The following PHLDB3 variants were observed in gnomAD, a reference collection of about 807,000 sequenced individuals.
The protein encoded by PHLDB3 is pleckstrin homology-like domain family B member 3.
PHLDB3 carries 86 observed loss-of-function variants against 85.7 expected under a neutral mutation model. That is an observed-to-expected ratio of 1.00 (90% CI 0.84 to 1.20). The LOEUF (loss-of-function observed/expected upper bound fraction) is 1.20, where lower values mean the gene tolerates loss of function less well. PHLDB3 is among the 50% of genes most tolerant of loss of function. The probability of loss-of-function intolerance (pLI) is 0.00; values close to 1 mark genes in which losing one functional copy is unlikely to be tolerated. For synonymous variants in PHLDB3, 376 were observed against 349.8 expected, an observed-to-expected ratio of 1.07 and a Z score of -0.83; for missense variants, 995 against 873.0, an observed-to-expected ratio of 1.14 and a Z score of -1.76.
chr19:43,486,754 TC>T, intron 11 of PHLDB3, 25 bp downstream of exon 11: 1 of 1,609,988 alleles, frequency 6.2e-7, no homozygotes, highest in Non-Finnish European at 8.5e-7. Flanking sequence ...TTCTTCCATC[TC>T]CCCACCTTCT....
At position 43,483,570 on chromosome 19, in the gene PHLDB3, T is replaced by A. The variant is rs192039575; in HGVS notation, c.1485+2696A>T. Reference sequence around the variant, plus strand: ...CTGAGATTATAGGCGTGAGCTATGGTGCCTAGCTTTATCATTCTTTATAAC... The same window carrying A: ...CTGAGATTATAGGCGTGAGCTATGGAGCCTAGCTTTATCATTCTTTATAAC... On this transcript the variant is annotated intron_variant, in intron 13 of 15. Transcript: ENST00000292140. 1.3e-4 allele frequency among the ~76,000 whole-genome samples: 20 copies of A among 152,294 alleles called. No individual in the cohort carries two copies. In the East Asian group the frequency reaches 3.3e-3, roughly 25 times the overall value.
chr19:43,498,719 C>T (rs1841472702), intron 4 of PHLDB3, among the ~76,000 whole-genome samples: 1 of 152,116 alleles, frequency 6.6e-6, no homozygotes, highest in Non-Finnish European at 1.5e-5. Context: ...TGCACTACTG[C>T]ACTCCAGCCT....
In PHLDB3 at chr19:43,487,081, T is replaced by C; in HGVS notation, c.1192A>G (p.Arg398Gly). 1 of 1,575,912 alleles carries C rather than the reference T, an allele frequency of 6.3e-7. No homozygotes were observed. The highest frequency in any genetic ancestry group is 2.3e-5 in the East Asian group (1 of 43,160). The change falls in exon 10 of 16, where the codon AGG becomes GGG. Residue 398 changes from arginine (R) to glycine (G), a missense_variant. Arg to Gly is a moderately radical substitution (Grantham distance 125). Transcript: ENST00000292140. ...LQRTGSLPRK[R>G]GERGSQRGSP... is the part of the protein sequence containing the mutation. ...CCTCTCTGGCTCCCCCTCTCCCCCC[T>C]TTTCCGGGGCAGGCTCCCAGTCCTC...
chr19:43,475,292 G>C lies in PHLDB3; in HGVS notation c.*118C>G, dbSNP rs1283883446. On this transcript the variant is annotated 3_prime_UTR_variant, in exon 16 of 16. Coordinates refer to ENST00000292140, the MANE Select transcript of PHLDB3 (RefSeq NM_198850.4). ...GAACTGCCGCGCCTGCGGAATTCCC[G>C]GGAGAGTTCCAAAGCGGTGCGTCCA... 3.6e-6 allele frequency: 5 copies of C among 1,370,496 alleles called. No homozygotes were observed. Among genetic ancestry groups the C allele is most frequent in the Non-Finnish European group, 2.0e-6 (2 of 1,016,430 alleles). The allele number at this position is 1,370,496 out of a possible 1,614,324, so 84.9% of individuals were successfully genotyped here. A position where few individuals can be genotyped will look rare whatever the true frequency, so the allele number is the denominator to read the frequency against.
chr19:43,475,277 G>C lies in PHLDB3; in HGVS notation c.*133C>G. ...CAGCTCAGGCCAGCTGAACTGCCGC[G>C]CCTGCGGAATTCCCGGGAGAGTTCC... On this transcript the variant is annotated 3_prime_UTR_variant, in exon 16 of 16. Coordinates refer to ENST00000292140, the MANE Select transcript of PHLDB3 (RefSeq NM_198850.4). 7.9e-7 allele frequency: 1 copy of C among 1,269,982 alleles called. No individual in the cohort carries two copies. The highest frequency in any genetic ancestry group is 1.1e-6 in the Non-Finnish European group (1 of 937,080). 78.7% of individuals were successfully genotyped at this position (1,269,982 alleles called of 1,614,324 possible).
At chr19:43,500,284 C>G (rs1347651288) in intron 4 of PHLDB3, among the ~76,000 whole-genome samples, 1 of 152,058 alleles carries the variant, frequency 6.6e-6, no homozygotes, top group Non-Finnish European at 1.5e-5. Context: ...TCGGGACAAC[C>G]AGAGATGAGG....
rs1970904220 is a variant in PHLDB3, at chr19:43,475,420, T to A, written c.1913A>T (p.His638Leu). The change falls in exon 16 of 16, where the codon CAC becomes CTC. Residue 638 changes from histidine to leucine, a missense_variant. Transcript: ENST00000292140. ...DVIVTAADEN[H>L]AP ...AGAGGGCGGGGCCACTCAGGGGGCG[T>A]GGTTTTCGTCAGCGGCGGTCACGAT... 6.2e-7 allele frequency: 1 copy of A among 1,613,690 alleles called. No individual in the cohort carries two copies. The highest frequency in any genetic ancestry group is 8.5e-7 in the Non-Finnish European group (1 of 1,179,752).
At position 43,502,208 on chromosome 19, in the gene PHLDB3, C is replaced by G. The variant is rs1195892324; in HGVS notation, c.289G>C (p.Ala97Pro). 3.8e-6 allele frequency: 6 copies of G among 1,566,084 alleles called. No homozygotes were observed. Among genetic ancestry groups the G allele is most frequent in the Admixed American group, 1.9e-5 (1 of 52,590 alleles). ...TGCTGTCCTTGCAGGCGCCGCGCCG[C>G]CCCTCGCACCCCTTCCCGCGAAGAG... is the stretch of plus-strand genomic sequence containing the variant. ...STSSREGVRG[A>P]ARRLQGQQLE... Residue 97 changes from alanine to proline, a missense_variant, in exon 3 of 16, where the codon GCG becomes CCG. Ala to Pro is a conservative substitution (Grantham distance 27). Transcript: ENST00000292140.
intron 2 of PHLDB3, among the ~76,000 whole-genome samples, chr19:43,502,898 A>G (rs1016378332): frequency 2.0e-5 from 3 of 151,814 alleles, no homozygotes; most frequent in Non-Finnish European, 4.4e-5. Context: ...CTTTTTCTCT[A>G]TCAGGTCCTA....
intron 6 of PHLDB3, 152 bp downstream of exon 6, chr19:43,496,965 CA>C: frequency 9.0e-7 from 1 of 1,114,682 alleles, no homozygotes; most frequent in Non-Finnish European, 1.1e-6. Context: ...CCATATCTGG[CA>C]CATAGTAAAT....
chr19:43,503,929 T>C lies in PHLDB3; in HGVS notation c.190A>G (p.Ser64Gly), dbSNP rs752026291. 3 of 1,613,780 alleles carry C rather than the reference T, an allele frequency of 1.9e-6. No homozygotes were observed. In the African/African-American group the frequency reaches 4.0e-5, roughly 22 times the overall value. The part of the protein sequence containing the change: ...AEEEEVGEGS[S>G]TESSRDAPEA... The stretch of plus-strand genomic sequence containing the variant: ...ACCGCGTCGCGGCTGCTCTCAGTGC[T>C]GCTGCCTTCTCCCACTTCTTCTTCC... Residue 64 changes from serine (S) to glycine (G), a missense_variant, in exon 2 of 16, where the codon AGC (serine) becomes GGC (glycine). Physicochemically the swap from Ser to Gly is moderately conservative, Grantham distance 56 (BLOSUM62 0). Coordinates refer to ENST00000292140, the MANE Select transcript of PHLDB3 (RefSeq NM_198850.4).
rs147846240 is a variant in PHLDB3 at position 43,476,976 on chromosome 19, A to T, written c.1788+1071T>A. Among the ~76,000 whole-genome samples, 418 of 152,140 alleles carry T rather than the reference A, an allele frequency of 2.7e-3. 4 individuals carry two copies. Among genetic ancestry groups the T allele is most frequent in the African/African-American group, 9.6e-3 (400 of 41,544 alleles). On this transcript the variant is annotated intron_variant, in intron 15 of 15. Transcript: ENST00000292140. ...TATTTATTTTTCATTTAAAAAATAA[A>T]AAAAAAAAAACAGAGATGGGATCTT...
intron 15 of PHLDB3, among the ~76,000 whole-genome samples, chr19:43,477,707 C>T (rs975355649): frequency 6.6e-6 from 1 of 150,594 alleles, no homozygotes; most frequent in African/African-American, 2.5e-5. Flanking sequence ...ACTCAGGAGG[C>T]TGAGGCAGGA....
At chr19:43,500,978 T>G (rs1314780466) in intron 4 of PHLDB3, among the ~76,000 whole-genome samples, 1 of 139,102 alleles carries the variant, frequency 7.2e-6, no homozygotes, top group Non-Finnish European at 1.5e-5. Flanking sequence ...AAAGGATTTC[T>G]TATCTGTCAA....
At chr19:43,484,286 A>G (rs1026854919) in intron 13 of PHLDB3, among the ~76,000 whole-genome samples, 28 of 151,774 alleles carry the variant, frequency 1.8e-4, no homozygotes, top group African/African-American at 5.5e-4. Context: ...AAAAATAATA[A>G]ATAAATTTTT....
At chr19:43,498,276 C>A (rs1268628947) in intron 4 of PHLDB3, among the ~76,000 whole-genome samples, 2 of 152,024 alleles carry the variant, frequency 1.3e-5, no homozygotes, top group African/African-American at 4.8e-5. Flanking sequence ...GAGATTGAGG[C>A]TGCACTGAGC....
chr19:43,486,571 C>T (rs1235334148), intron 12 of PHLDB3, 38 bp downstream of exon 12: 1 of 1,590,698 alleles, frequency 6.3e-7, no homozygotes, highest in South Asian at 1.1e-5. Flanking sequence ...GAGGCTGGGG[C>T]AGTCTTCTGT....
chr19:43,503,996 CA>C lies in PHLDB3; in HGVS notation c.122del (p.Leu41ArgfsTer38). Reference sequence around the variant, plus strand: ...CTCCCCCGCGGCTCGAAGGTTCCGCCAGGACTTCGGATGCCTCCTGTTCCCG... The same window carrying C: ...CTCCCCCGCGGCTCGAAGGTTCCGCCGGACTTCGGATGCCTCCTGTTCCCG... ...ESREQEASEV[L>X]AEPSSRGGAE... On this transcript the variant is annotated frameshift_variant, in exon 2 of 16. Coordinates refer to ENST00000292140, the MANE Select transcript of PHLDB3 (RefSeq NM_198850.4). LOFTEE classifies it high-confidence loss of function. The C allele has an allele frequency of 6.2e-7, 1 of 1,613,946 alleles. No individual in the cohort carries two copies. The highest frequency in any genetic ancestry group is 1.1e-5 in the South Asian group (1 of 91,084).
rs1568470673 is a variant in PHLDB3, at chr19:43,475,465, A to AT, written c.1867dup (p.Met623AsnfsTer13). 9 of 1,613,922 alleles carry AT rather than the reference A, an allele frequency of 5.6e-6. No individual in the cohort carries two copies. The highest frequency in any genetic ancestry group is 7.6e-6 in the Non-Finnish European group (9 of 1,179,864). ...CACGATGACGTCCATCCAAATGCGC[A>AT]TGGCTTCGGGGCTCGGAGCCACCAT... is the stretch of plus-strand genomic sequence containing the variant. On this transcript the variant is annotated frameshift_variant, in exon 16 of 16. Transcript: ENST00000292140. LOFTEE classifies it high-confidence loss of function.
Sources: allele counts gnomAD v4.1 joint callset (sites outside exome capture counted in the v4.1 genomes callset), GRCh38; gene constraint gnomAD v4.1.1; transcripts MANE v1.5; gene names NCBI Gene and HGNC (gene_info 2026-07-23, HGNC 2026-07-21).